Variants in KCNJ6 observed in about 807,000 individuals in gnomAD.
The protein encoded by KCNJ6 is G protein-activated inward rectifier potassium channel 2.
KCNJ6 carries 9 observed loss-of-function variants against 34.2 expected under a neutral mutation model. The observed-to-expected ratio is 0.26, with a 90% CI of 0.16 to 0.46. KCNJ6 has a LOEUF of 0.46. Ranked by LOEUF, KCNJ6 falls within the 20% of genes least tolerant of loss-of-function variation. The pLI is 1.00. For missense variants in KCNJ6, 236 were observed against 531.3 expected (o/e 0.44, Z 5.46); for synonymous variants, 196 against 207.1 (o/e 0.95, Z 0.46).
At chr21:37,770,089 T>A (rs1316768957) in intron 2 of KCNJ6, among the ~76,000 whole-genome samples, 1 of 152,202 alleles carries the variant, frequency 6.6e-6, no homozygotes, top group Non-Finnish European at 1.5e-5. Flanking sequence ...TTTCGGCAGA[T>A]CCTTATGAAA....
chr21:37,688,590 G>A (rs2835893), intron 3 of KCNJ6, among the ~76,000 whole-genome samples: 44,199 of 151,992 alleles, frequency 0.29, 6,803 homozygotes, highest in Middle Eastern at 0.37. Context: ...GCTTTTCCTA[G>A]TGAGCCTAAC....
Position 37,904,622 on chromosome 21 carries a change from A to G in KCNJ6, c.-28+11262T>C, listed in dbSNP as rs373576033. Among the ~76,000 whole-genome samples the G allele has an allele frequency of 2.7e-3, 407 of 152,216 alleles. 3 individuals carry two copies. The highest frequency in any genetic ancestry group is 9.4e-3 in the African/African-American group (389 of 41,536). On this transcript the variant is annotated intron_variant, in intron 1 of 3. Coordinates refer to ENST00000609713, the MANE Select transcript of KCNJ6 (RefSeq NM_002240.5). ...TTTTTACTATAGACTCCTTGTTTTC[A>G]TGGGGTCTCCATTCATGCTGTTTGG...
At chr21:37,625,571 C>T (rs2054307186) in intron 3 of KCNJ6, 87 bp from the exon 4 acceptor site, 1 of 945,884 alleles carries the variant, frequency 1.1e-6, no homozygotes, top group African/African-American at 1.6e-5. Flanking sequence ...AGGAGTACTG[C>T]ATGCAGCTGT....
At chr21:37,785,845 G>C (rs189842792) in intron 2 of KCNJ6, among the ~76,000 whole-genome samples, 26 of 152,354 alleles carry the variant, frequency 1.7e-4, no homozygotes, top group Non-Finnish European at 2.5e-4. Context: ...CCTAATGAAT[G>C]AGATTAGTGC....
intron 3 of KCNJ6, among the ~76,000 whole-genome samples, chr21:37,669,924 C>T (rs1287019692): frequency 6.6e-6 from 1 of 152,150 alleles, no homozygotes; most frequent in Non-Finnish European, 1.5e-5. Context: ...GGTGTCACAG[C>T]TAAGAATCCA....
chr21:37,760,490 G>A (rs1206608233), intron 2 of KCNJ6, among the ~76,000 whole-genome samples: 1 of 152,102 alleles, frequency 6.6e-6, no homozygotes, highest in Non-Finnish European at 1.5e-5. Flanking sequence ...ATTAGGTGGT[G>A]GGCAGGCACA....
chr21:37,786,546 G>A (rs1178545787), intron 2 of KCNJ6, among the ~76,000 whole-genome samples: 1 of 152,106 alleles, frequency 6.6e-6, no homozygotes, highest in African/African-American at 2.4e-5. Context: ...CTGAACAATA[G>A]GCCAACAGTC....
At chr21:37,817,958 T>C (rs2055354549) in intron 2 of KCNJ6, among the ~76,000 whole-genome samples, 1 of 152,216 alleles carries the variant, frequency 6.6e-6, no homozygotes, top group Non-Finnish European at 1.5e-5. Flanking sequence ...AAACTGGATA[T>C]TGGCCTTGGG....
At position 37,619,413 on chromosome 21, in the gene KCNJ6, C is replaced by A. The variant is rs894114970; in HGVS notation, c.*5746G>T. The A allele has an allele frequency of 1.3e-5, 2 of 152,218 alleles. No homozygotes were observed. Among genetic ancestry groups the A allele is most frequent in the Non-Finnish European group, 2.9e-5 (2 of 68,036 alleles). The allele number at this position is 152,218 out of a possible 1,614,324, so 9.4% of individuals were successfully genotyped here. ...TCAGAAAGCGCAAGAAATCCAACAA[C>A]CCTTTACTATACTTCCGTGTCTCCC... On this transcript the variant is annotated 3_prime_UTR_variant, in exon 4 of 4. Transcript: ENST00000609713.
intron 3 of KCNJ6, among the ~76,000 whole-genome samples, chr21:37,626,661 G>T (rs556856130): frequency 1.3e-5 from 2 of 152,184 alleles, no homozygotes; most frequent in South Asian, 4.1e-4. Flanking sequence ...TGAGGTCAAA[G>T]AAATCTTTTA....
At chr21:37,635,964 G>A (rs756225493) in intron 3 of KCNJ6, among the ~76,000 whole-genome samples, 3 of 152,174 alleles carry the variant, frequency 2.0e-5, no homozygotes, top group Admixed American at 6.5e-5. Flanking sequence ...TCATGCAAAG[G>A]TCCTTCTTGT....
chr21:37,759,190 A>G lies in KCNJ6; in HGVS notation c.26-44059T>C, dbSNP rs143523665. On this transcript the variant is annotated intron_variant, in intron 2 of 3. Coordinates refer to ENST00000609713, the MANE Select transcript of KCNJ6 (RefSeq NM_002240.5). Reference sequence around the variant, plus strand: ...AGGGGCGGTCCTGGCTGGGAAGGCTAATTTGTCCGGGCTGCATCTCTGTCC... The same window carrying G: ...AGGGGCGGTCCTGGCTGGGAAGGCTGATTTGTCCGGGCTGCATCTCTGTCC... Among the ~76,000 whole-genome samples the G allele has an allele frequency of 4.0e-3, 614 of 152,124 alleles. 4 individuals are homozygous for G. Among genetic ancestry groups the G allele is most frequent in the Non-Finnish European group, 6.0e-3 (407 of 67,984 alleles).
chr21:37,770,674 C>CT (rs1212257646), intron 2 of KCNJ6, among the ~76,000 whole-genome samples: 3 of 152,172 alleles, frequency 2.0e-5, no homozygotes, highest in Non-Finnish European at 1.5e-5. Flanking sequence ...AGAACCATGA[C>CT]TAGCTGAGGA....
At chr21:37,850,850 C>T (rs2055533901) in intron 1 of KCNJ6, among the ~76,000 whole-genome samples, 1 of 152,144 alleles carries the variant, frequency 6.6e-6, no homozygotes. Flanking sequence ...ATGCCTATAA[C>T]TTCAATTTAG....
intron 2 of KCNJ6, among the ~76,000 whole-genome samples, chr21:37,728,694 G>A (rs981851980): frequency 4.4e-5 from 5 of 113,408 alleles, no homozygotes; most frequent in African/African-American, 2.3e-4. Flanking sequence ...GTGTGTGTGT[G>A]TGTGTATATA....
chr21:37,611,110 G>A lies in KCNJ6; in HGVS notation c.*14049C>T, dbSNP rs961515756. On this transcript the variant is annotated 3_prime_UTR_variant, in exon 4 of 4. Transcript: ENST00000609713. ...AGGCATGCTAACTAAGAAAAAAAGA[G>A]AAAGAACACAAATTACTACTATCAG... The A allele has an allele frequency of 3.3e-5, 5 of 152,098 alleles. No homozygotes were observed. Among genetic ancestry groups the A allele is most frequent in the Non-Finnish European group, 7.4e-5 (5 of 68,000 alleles). The allele number at this position is 152,098 out of a possible 1,614,324, so 9.4% of individuals were successfully genotyped here.
chr21:37,677,034 C>T (rs527456051), intron 3 of KCNJ6, among the ~76,000 whole-genome samples: 49 of 152,326 alleles, frequency 3.2e-4, no homozygotes, highest in African/African-American at 1.1e-3. Context: ...GTCAGGCTGA[C>T]GTTGCACTCA....
intron 3 of KCNJ6, among the ~76,000 whole-genome samples, chr21:37,685,244 G>A (rs781288068): frequency 1.3e-5 from 2 of 152,108 alleles, no homozygotes; most frequent in African/African-American, 2.4e-5. Context: ...TCTACCCAGT[G>A]TGGATGAAAA....
intron 1 of KCNJ6, among the ~76,000 whole-genome samples, chr21:37,905,450 C>G (rs1208897254): frequency 1.3e-5 from 2 of 152,154 alleles, no homozygotes; most frequent in African/African-American, 4.8e-5. Context: ...TGCCAATACA[C>G]CCTATATATA....
Sources: allele counts gnomAD v4.1 joint callset (sites outside exome capture counted in the v4.1 genomes callset), GRCh38; gene constraint gnomAD v4.1.1; transcripts MANE v1.5; gene names NCBI Gene and HGNC (gene_info 2026-07-23, HGNC 2026-07-21).